Variants in NRG3 observed in about 807,000 individuals in gnomAD.
NRG3 encodes neuregulin 3, also known as pro-neuregulin-3, membrane-bound isoform.
Under a neutral mutation model 66.9 loss-of-function variants are expected in NRG3, and 31 were observed. That is an observed-to-expected ratio of 0.46 (90% confidence interval 0.35 to 0.63). The LOEUF is 0.63. Among genes scored for constraint, NRG3 ranks in the 20% least tolerant of loss-of-function variants. NRG3 has a pLI of 0.00. For synonymous variants in NRG3, 393 were observed against 359.4 expected, an observed-to-expected ratio of 1.09 and a Z score of -1.06; for missense variants, 910 against 878.9, an observed-to-expected ratio of 1.04 and a Z score of -0.45.
chr10:82,701,357 C>T (rs2055864312), intron 2 of NRG3, among the ~76,000 whole-genome samples: 2 of 152,030 alleles, frequency 1.3e-5, no homozygotes, highest in South Asian at 2.1e-4. Flanking sequence ...AAACTTTTCC[C>T]AGCATAAATC....
intron 2 of NRG3, among the ~76,000 whole-genome samples, chr10:82,507,749 G>A (rs1844817737): frequency 6.6e-6 from 1 of 152,202 alleles, no homozygotes; most frequent in African/African-American, 2.4e-5. Flanking sequence ...CTAGAAACAT[G>A]CCTGTTTCTC....
At chr10:82,766,696 G>C (rs923493471) in intron 3 of NRG3, among the ~76,000 whole-genome samples, 1 of 151,912 alleles carries the variant, frequency 6.6e-6, no homozygotes, top group South Asian at 2.1e-4. Context: ...TCTACATCAA[G>C]TAGTACGCTG....
chr10:82,823,230 A>G (rs756493091), intron 3 of NRG3, among the ~76,000 whole-genome samples: 19 of 152,182 alleles, frequency 1.2e-4, no homozygotes, highest in Non-Finnish European at 2.4e-4. Flanking sequence ...TAGTACCTGC[A>G]GGACTAGTAG....
At chr10:82,923,153 T>C (rs1846617254) in intron 4 of NRG3, among the ~76,000 whole-genome samples, 1 of 152,218 alleles carries the variant, frequency 6.6e-6, no homozygotes, top group Non-Finnish European at 1.5e-5. Context: ...CTCCCAGCCA[T>C]GCCCATTGTA....
chr10:82,528,365 AAAAAG>A (rs1565030464), intron 2 of NRG3, among the ~76,000 whole-genome samples: 2 of 150,866 alleles, frequency 1.3e-5, no homozygotes, highest in Non-Finnish European at 2.9e-5. Context: ...GGAAATTTTT[AAAAAG>A]CCCAATCATT....
At chr10:82,758,351 T>C (rs1442892663) in intron 3 of NRG3, among the ~76,000 whole-genome samples, 1 of 152,062 alleles carries the variant, frequency 6.6e-6, no homozygotes, top group East Asian at 1.9e-4. Flanking sequence ...GTTTTCTGTA[T>C]TATAAATGAC....
chr10:82,569,416 AT>A (rs899048174), intron 2 of NRG3, among the ~76,000 whole-genome samples: 2 of 151,668 alleles, frequency 1.3e-5, no homozygotes, highest in Admixed American at 1.3e-4. Context: ...ACTTTAACTG[AT>A]TTTCCCCTTC....
chr10:82,822,012 C>T (rs2061973173), intron 3 of NRG3, among the ~76,000 whole-genome samples: 1 of 152,158 alleles, frequency 6.6e-6, no homozygotes, highest in Non-Finnish European at 1.5e-5. Context: ...ATTATAGCAG[C>T]AGCCAGTATG....
chr10:82,865,622 T>C (rs1398307382), intron 4 of NRG3, among the ~76,000 whole-genome samples, 185 bp downstream of exon 4: 1 of 152,168 alleles, frequency 6.6e-6, no homozygotes, highest in East Asian at 1.9e-4. Context: ...TAACTACTTA[T>C]TGGAAAGGCA....
At chr10:81,998,350 C>A (rs552690401) in intron 1 of NRG3, among the ~76,000 whole-genome samples, 43 of 152,242 alleles carry the variant, frequency 2.8e-4, no homozygotes, top group African/African-American at 1.0e-3. Context: ...TCTAGACATT[C>A]CCTCCTGTGG....
rs140943457 is a variant in NRG3, at chr10:82,246,574, A to T, written c.824-112165A>T. On this transcript the variant is annotated intron_variant, in intron 1 of 8. Coordinates refer to ENST00000372141, the MANE Select transcript of NRG3 (RefSeq NM_001010848.4). Reference sequence around the variant, plus strand: ...TTCCTGGTTACCAGTGAAATCTGGGATATGCTAATGCTTTGGCATAAACAA... The same window carrying T: ...TTCCTGGTTACCAGTGAAATCTGGGTTATGCTAATGCTTTGGCATAAACAA... Among the ~76,000 whole-genome samples the T allele has an allele frequency of 3.6e-3, 549 of 152,346 alleles. 2 individuals carry two copies. The highest frequency in any genetic ancestry group is 0.012 in the African/African-American group (510 of 41,582).
intron 1 of NRG3, among the ~76,000 whole-genome samples, chr10:82,236,415 G>A (rs1200022123): frequency 2.0e-5 from 3 of 152,148 alleles, no homozygotes; most frequent in East Asian, 1.9e-4. Flanking sequence ...GGGTGTGAAA[G>A]CCAGGGTGCT....
At chr10:81,987,269 G>A (rs1311666431) in intron 1 of NRG3, among the ~76,000 whole-genome samples, 1 of 152,140 alleles carries the variant, frequency 6.6e-6, no homozygotes, top group African/African-American at 2.4e-5. Flanking sequence ...ATTTTTAGTA[G>A]AGACCTGGTT....
intron 1 of NRG3, among the ~76,000 whole-genome samples, chr10:81,911,418 G>A (rs1845133085): frequency 1.3e-5 from 2 of 151,928 alleles, no homozygotes; most frequent in Admixed American, 1.3e-4. Flanking sequence ...AGTGTCCCAG[G>A]AAGCTCTCAT....
chr10:82,547,805 A>C (rs560345348), intron 2 of NRG3, among the ~76,000 whole-genome samples: 1 of 152,248 alleles, frequency 6.6e-6, no homozygotes, highest in South Asian at 2.1e-4. Flanking sequence ...CATGGTCAGT[A>C]TTTCACAGGG....
At chr10:82,097,454 A>T (rs938184577) in intron 1 of NRG3, among the ~76,000 whole-genome samples, 119 of 147,366 alleles carry the variant, frequency 8.1e-4, no homozygotes, top group Non-Finnish European at 1.3e-3. Context: ...TGTAATATAT[A>T]TATCTGTAAT....
At chr10:82,192,972 T>TGA (rs5786538) in intron 1 of NRG3, among the ~76,000 whole-genome samples, 180 of 139,766 alleles carry the variant, frequency 1.3e-3, no homozygotes, top group Admixed American at 3.0e-3. Flanking sequence ...AGGAAGAAAG[T>TGA]GAGAGAGAGA....
chr10:82,443,997 T>C (rs531366256), intron 2 of NRG3, among the ~76,000 whole-genome samples: 1 of 152,344 alleles, frequency 6.6e-6, no homozygotes, highest in East Asian at 1.9e-4. Flanking sequence ...TATATCAAAG[T>C]ATCCCAGCTA....
chr10:82,370,949 A>AAC (rs145443212), intron 2 of NRG3, among the ~76,000 whole-genome samples: 7,005 of 147,158 alleles, frequency 0.048, 234 homozygotes, highest in African/African-American at 0.094. Flanking sequence ...CCACCTTACA[A>AAC]ACACACACAC....
Sources: allele counts gnomAD v4.1 joint callset (sites outside exome capture counted in the v4.1 genomes callset), GRCh38; gene constraint gnomAD v4.1.1; transcripts MANE v1.5; gene names NCBI Gene and HGNC (gene_info 2026-07-23, HGNC 2026-07-21).